ZNF629: variants seen among roughly 807,000 people sequenced by gnomAD.
ZNF629 encodes the protein zinc finger protein 629.
A neutral mutation model predicts 59.7 loss-of-function variants in ZNF629; 9 were observed. The observed-to-expected ratio is 0.15, with a 90% confidence interval of 0.09 to 0.26. ZNF629 has a LOEUF of 0.26. ZNF629 is among the 10% of genes least tolerant of loss of function. ZNF629 has a pLI of 1.00. For missense variants in ZNF629, 853 were observed against 1,165.4 expected (o/e 0.73, Z 3.90); for synonymous variants, 509 against 498.9 (o/e 1.02, Z -0.27).
At position 30,781,543 on chromosome 16, in the gene ZNF629, T is replaced by G; in HGVS notation, c.*175A>C. 1 of 539,244 alleles carries G rather than the reference T, an allele frequency of 1.9e-6. No homozygotes were observed. The allele number at this position is 539,244 out of a possible 1,614,324, so 33.4% of individuals were successfully genotyped here. On this transcript the variant is annotated 3_prime_UTR_variant, in exon 3 of 3. Transcript: ENST00000262525. Reference sequence around the variant, plus strand: ...CCTTATAAGTGCTTCCCACCAACAATTTTATAGGGTTTCTCATCACTGATG... The same window carrying G: ...CCTTATAAGTGCTTCCCACCAACAAGTTTATAGGGTTTCTCATCACTGATG...
rs1461185264 is a variant in ZNF629 at position 30,783,985 on chromosome 16, G to T, written c.343C>A (p.Gln115Lys). The T allele has an allele frequency of 1.3e-6, 2 of 1,575,836 alleles. No homozygotes were observed. Among genetic ancestry groups the T allele is most frequent in the Admixed American group, 1.8e-5 (1 of 55,086 alleles). ...DWTKACEASW[Q>K]WGALTTWNSP... ...TTCCATGTGGTGAGAGCGCCCCACT[G>T]CCAGCTGGCCTCGCAGGCCTTGGTC... The change falls in exon 3 of 3, where the codon CAG becomes AAG. Residue 115 changes from glutamine (Q) to lysine (K), a missense_variant. Coordinates refer to ENST00000262525, the MANE Select transcript of ZNF629 (RefSeq NM_001080417.3).
rs1183161817 is a variant in ZNF629, at chr16:30,783,817, T to C, written c.511A>G (p.Ile171Val). 1 of 1,613,094 alleles carries C rather than the reference T, an allele frequency of 6.2e-7. No individual in the cohort carries two copies. Among genetic ancestry groups the C allele is most frequent in the Non-Finnish European group, 8.5e-7 (1 of 1,179,660 alleles). The change falls in exon 3 of 3, where the codon ATC becomes GTC. Residue 171 changes from isoleucine to valine, a missense_variant. Physicochemically the swap from Ile to Val is conservative, Grantham distance 29. Coordinates refer to ENST00000262525, the MANE Select transcript of ZNF629 (RefSeq NM_001080417.3). ...GTGTTGGGCCGCTCTCCCGTGTGGA[T>C]GCGCTGGTGCCGCAGCAGCTTGGAC... ...QWSKLLRHQR[I>V]HTGERPNTCS...
rs1271575177 is a variant in ZNF629, at chr16:30,781,797, C to G, written c.2531G>C (p.Cys844Ser). Residue 844 changes from cysteine to serine, a missense_variant, in exon 3 of 3, where the codon TGC becomes TCC. Physicochemically the swap from Cys to Ser is moderately radical, Grantham distance 112 (BLOSUM62 -1). This residue lies in a region of ZNF629 where 420 missense variants were observed against 435.6 expected (regional missense o/e 0.96). Transcript: ENST00000262525. ...KTLVEEKPYL[C>S]PECGAGFTEV... ...TGTGAAGCCGGCTCCACACTCGGGG[C>G]ACAGATAGGGCTTTTCTTCCACTAG... 1 of 1,611,694 alleles carries G rather than the reference C, an allele frequency of 6.2e-7. No individual in the cohort carries two copies. The highest frequency in any genetic ancestry group is 8.5e-7 in the Non-Finnish European group (1 of 1,178,772).
Position 30,781,945 on chromosome 16 carries a change from G to T in ZNF629, c.2383C>A (p.Pro795Thr), listed in dbSNP as rs756766073. 9.7e-6 allele frequency: 15 copies of T among 1,539,572 alleles called. No individual in the cohort carries two copies. Among genetic ancestry groups the T allele is most frequent in the South Asian group, 3.8e-5 (3 of 78,518 alleles). ...RHQETHTQEK[P>T]PNPEDPPPEA... ...GGAGGGGGGTCCTCGGGATTGGGGG[G>T]TTTTTCCTGGGTGTGGGTTTCTTGG... The change falls in exon 3 of 3, where the codon CCC (proline) becomes ACC (threonine). Residue 795 changes from proline to threonine, a missense_variant. Physicochemically the swap from Pro to Thr is conservative, Grantham distance 38 (BLOSUM62 -1). Transcript: ENST00000262525.
In ZNF629 at chr16:30,782,719, C is replaced by G. The variant is rs778159575; in HGVS notation, c.1609G>C (p.Glu537Gln). Residue 537 changes from glutamate (E) to glutamine (Q), a missense_variant, in exon 3 of 3, where the codon GAG becomes CAG. Glu to Gln is a conservative substitution (Grantham distance 29). This residue lies in a region of ZNF629 where 420 missense variants were observed against 435.6 expected (regional missense o/e 0.96). Coordinates refer to ENST00000262525, the MANE Select transcript of ZNF629 (RefSeq NM_001080417.3). Reference protein sequence around the residue: ...HELEQHRVIHERGKTPARRAQ... With the variant: ...HELEQHRVIHQRGKTPARRAQ... ...CTACGCGCTGGGGTCTTCCCCCTCTCATGGATCACCCGGTGCTGCTCCAGC... is the reference window on the plus strand; with the variant it reads ...CTACGCGCTGGGGTCTTCCCCCTCTGATGGATCACCCGGTGCTGCTCCAGC... The G allele has an allele frequency of 1.2e-6, 2 of 1,612,874 alleles. No homozygotes were observed. Among genetic ancestry groups the G allele is most frequent in the Non-Finnish European group, 1.7e-6 (2 of 1,179,732 alleles).
At position 30,781,963 on chromosome 16, in the gene ZNF629, T is replaced by C. The variant is rs1272882287; in HGVS notation, c.2365A>G (p.Thr789Ala). The C allele has an allele frequency of 1.3e-6, 2 of 1,550,636 alleles. No homozygotes were observed. Among genetic ancestry groups the C allele is most frequent in the Non-Finnish European group, 1.7e-6 (2 of 1,149,202 alleles). Reference protein sequence around the residue: ...DRVALTRHQETHTQEKPPNPE... With the variant: ...DRVALTRHQEAHTQEKPPNPE... ...TTGGGGGGTTTTTCCTGGGTGTGGG[T>C]TTCTTGGTGCCGGGTGAGGGCCACG... is the stretch of plus-strand genomic sequence containing the variant. The change falls in exon 3 of 3, where the codon ACC (threonine) becomes GCC (alanine). Residue 789 changes from threonine (T) to alanine (A), a missense_variant. Coordinates refer to ENST00000262525, the MANE Select transcript of ZNF629 (RefSeq NM_001080417.3).
intron 1 of ZNF629, among the ~76,000 whole-genome samples, chr16:30,785,957 G>C (rs1001054900): frequency 2.6e-5 from 4 of 152,112 alleles, no homozygotes; most frequent in African/African-American, 4.8e-5. Flanking sequence ...GGGGCCACAG[G>C]AACAAAGCGC....
rs1244746725 is a variant in ZNF629, at chr16:30,779,133, T to C, written c.*2585A>G. On this transcript the variant is annotated 3_prime_UTR_variant, in exon 3 of 3. Transcript: ENST00000262525. The stretch of plus-strand genomic sequence containing the variant: ...CCCTACGAACTGTGCGCTCACATCA[T>C]CCATCCCGTACAAGAGCCAAGCCCC... The C allele has an allele frequency of 6.6e-6, 1 of 152,278 alleles. No individual in the cohort carries two copies. The highest frequency in any genetic ancestry group is 1.5e-5 in the Non-Finnish European group (1 of 68,160). 9.4% of individuals were successfully genotyped at this position (152,278 alleles called of 1,614,324 possible). A position where few individuals can be genotyped will look rare whatever the true frequency, so the allele number is the denominator to read the frequency against.
chr16:30,783,091 C>T lies in ZNF629; in HGVS notation c.1237G>A (p.Val413Ile). The T allele has an allele frequency of 6.2e-7, 1 of 1,601,810 alleles. No individual in the cohort carries two copies. The highest frequency in any genetic ancestry group is 8.5e-7 in the Non-Finnish European group (1 of 1,176,380). ...KCPECGKSFSVSSNLINHQRI... is the reference protein window; with the variant it reads ...KCPECGKSFSISSNLINHQRI... The stretch of plus-strand genomic sequence containing the variant: ...TGGTGGTTGATGAGGTTGGAGCTGA[C>T]GCTGAAGCTCTTGCCGCACTCTGGG... Residue 413 changes from valine to isoleucine, a missense_variant, in exon 3 of 3, where the codon GTC becomes ATC. By Grantham distance (29) the Val-to-Ile change is conservative. This residue lies in a region of ZNF629 where 201 missense variants were observed against 536.5 expected (regional missense o/e 0.37). Coordinates refer to ENST00000262525, the MANE Select transcript of ZNF629 (RefSeq NM_001080417.3).
chr16:30,782,830 T>C lies in ZNF629; in HGVS notation c.1498A>G (p.Asn500Asp). The C allele has an allele frequency of 6.2e-7, 1 of 1,614,106 alleles. No homozygotes were observed. Residue 500 changes from asparagine (N) to aspartate (D), a missense_variant, in exon 3 of 3, where the codon AAC (asparagine) becomes GAC (aspartate). Asn to Asp is a conservative substitution (Grantham distance 23). This residue lies in a region of ZNF629 where 201 missense variants were observed against 536.5 expected (regional missense o/e 0.37). Transcript: ENST00000262525. ...TGCGTGCGGACGTGGGTAATAAGGT[T>C]GGAGCTCTGGCTGAAGCTCTTGCCG... ...ECGKSFSQSS[N>D]LITHVRTHMD...
Position 30,783,302 on chromosome 16 carries a change from G to A in ZNF629, c.1026C>T (p.Gly342=). 1.2e-6 allele frequency: 2 copies of A among 1,613,460 alleles called. No individual in the cohort carries two copies. Among genetic ancestry groups the A allele is most frequent in the Middle Eastern group, 1.7e-4 (1 of 6,058 alleles). ...ACTCTAGGCACTCGTAGGGCTTCTC[G>A]CCTGTGTGCGTGCGCTGGTGCTGGG... The part of the protein sequence containing the change: ...ELTQHQRTHT[G]EKPYECLECG... The change falls in exon 3 of 3, where the codon GGC becomes GGT. Residue 342 remains glycine, a synonymous_variant. Transcript: ENST00000262525.
rs2054254915 is a variant in ZNF629 at position 30,778,548 on chromosome 16, T to C, written c.*3170A>G. On this transcript the variant is annotated 3_prime_UTR_variant, in exon 3 of 3. Transcript: ENST00000262525. Reference sequence around the variant, plus strand: ...ACACACAACACTCAAAAATGGGGCCTCTCTTCACTCCATGGGGACAAGTCC... The same window carrying C: ...ACACACAACACTCAAAAATGGGGCCCCTCTTCACTCCATGGGGACAAGTCC... 6.6e-6 allele frequency: 1 copy of C among 152,630 alleles called. No homozygotes were observed. The highest frequency in any genetic ancestry group is 1.5e-5 in the Non-Finnish European group (1 of 68,120). The allele number at this position is 152,630 out of a possible 1,614,324, so 9.5% of individuals were successfully genotyped here.
At position 30,778,469 on chromosome 16, in the gene ZNF629, C is replaced by G. The variant is rs1418052284; in HGVS notation, c.*3249G>C. ...AGAAACACCCAGGAAATCTTATTCC[C>G]TTTATTCTCTTCAACTAAGCAACAT... On this transcript the variant is annotated 3_prime_UTR_variant, in exon 3 of 3. Coordinates refer to ENST00000262525, the MANE Select transcript of ZNF629 (RefSeq NM_001080417.3). 1 of 152,760 alleles carries G rather than the reference C, an allele frequency of 6.5e-6. No homozygotes were observed. The highest frequency in any genetic ancestry group is 1.9e-4 in the East Asian group (1 of 5,186). 9.5% of individuals were successfully genotyped at this position (152,760 alleles called of 1,614,324 possible). A position where few individuals can be genotyped will look rare whatever the true frequency, so the allele number is the denominator to read the frequency against.
At position 30,782,421 on chromosome 16, in the gene ZNF629, G is replaced by GCCTCCGCTCTGC. The variant is rs1245416897; in HGVS notation, c.1895_1906dup (p.Gly632_Glu635dup). 5.7e-6 allele frequency: 9 copies of GCCTCCGCTCTGC among 1,566,408 alleles called. No individual in the cohort carries two copies. The African/African-American group carries it at 1.1e-4, about 19-fold the overall frequency. ...CGGCGGCTTAAGGGGCTGTCCGGGG[G>GCCTCCGCTCTGC]CCTCCGCTCTGCCCTCCGCAGCCCC... On this transcript the variant is annotated inframe_insertion, in exon 3 of 3. Coordinates refer to ENST00000262525, the MANE Select transcript of ZNF629 (RefSeq NM_001080417.3).
rs537639649 is a variant in ZNF629 at position 30,781,325 on chromosome 16, G to A, written c.*393C>T. 6.4e-6 allele frequency: 1 copy of A among 156,480 alleles called. No homozygotes were observed. Among genetic ancestry groups the A allele is most frequent in the African/African-American group, 2.4e-5 (1 of 41,520 alleles). 9.7% of individuals were successfully genotyped at this position (156,480 alleles called of 1,614,324 possible). On this transcript the variant is annotated 3_prime_UTR_variant, in exon 3 of 3. Coordinates refer to ENST00000262525, the MANE Select transcript of ZNF629 (RefSeq NM_001080417.3). ...GTCAGTGCCATTGCGGTACTTCCCC[G>A]ACCCTATAGGATTTTCCTAAGGATT...
chr16:30,784,809 C>T (rs1202483433), intron 1 of ZNF629, among the ~76,000 whole-genome samples: 1 of 152,194 alleles, frequency 6.6e-6, no homozygotes, highest in Non-Finnish European at 1.5e-5. Context: ...GGAGCGGTCT[C>T]TGACATCCAC....
Position 30,781,976 on chromosome 16 carries a change from G to T in ZNF629, c.2352C>A (p.Thr784=). 1 of 1,558,192 alleles carries T rather than the reference G, an allele frequency of 6.4e-7. No homozygotes were observed. Among genetic ancestry groups the T allele is most frequent in the Non-Finnish European group, 8.7e-7 (1 of 1,152,890 alleles). Residue 784 remains threonine (T), a synonymous_variant, in exon 3 of 3, where the codon ACC becomes ACA. Coordinates refer to ENST00000262525, the MANE Select transcript of ZNF629 (RefSeq NM_001080417.3). ...RASFLDRVAL[T]RHQETHTQEK... The stretch of plus-strand genomic sequence containing the variant: ...CCTGGGTGTGGGTTTCTTGGTGCCG[G>T]GTGAGGGCCACGCGGTCGAGGAAGG...
Position 30,782,069 on chromosome 16 carries a change from G to C in ZNF629, c.2259C>G (p.Ser753=), listed in dbSNP as rs201778896. Residue 753 remains serine (S), a synonymous_variant, in exon 3 of 3, where the codon TCC becomes TCG. Coordinates refer to ENST00000262525, the MANE Select transcript of ZNF629 (RefSeq NM_001080417.3). ...QKSPELGKSS[S]VLLEHLRSPL... ...GGCTCCTGAGATGCTCCAGGAGGAC[G>C]GAAGAGCTCTTCCCCAGCTCTGGAC... is the stretch of plus-strand genomic sequence containing the variant. 1 of 1,576,164 alleles carries C rather than the reference G, an allele frequency of 6.3e-7. No homozygotes were observed. The highest frequency in any genetic ancestry group is 1.4e-5 in the African/African-American group (1 of 73,398).
rs764103036 is a variant in ZNF629 at position 30,782,793 on chromosome 16, T to A, written c.1535A>T (p.Asn512Ile). 1 of 1,614,008 alleles carries A rather than the reference T, an allele frequency of 6.2e-7. No individual in the cohort carries two copies. Among genetic ancestry groups the A allele is most frequent in the South Asian group, 1.1e-5 (1 of 91,086 alleles). ...CCCGCAGTCGGAGCACACGAACAGG[T>A]TCTCGTCCATGTGCGTGCGGACGTG... is the stretch of plus-strand genomic sequence containing the variant. ...ITHVRTHMDE[N>I]LFVCSDCGKA... Residue 512 changes from asparagine to isoleucine, a missense_variant, in exon 3 of 3, where the codon AAC becomes ATC. Physicochemically the swap from Asn to Ile is moderately radical, Grantham distance 149. Around this residue, in one of 3 missense-constraint regions of ZNF629, gnomAD observed 201 missense variants for 536.5 expected, o/e 0.37. Transcript: ENST00000262525.
Sources: allele counts gnomAD v4.1 joint callset (sites outside exome capture counted in the v4.1 genomes callset), GRCh38; gene constraint gnomAD v4.1.1; regional missense constraint gnomAD v4.1.1; transcripts MANE v1.5; gene names NCBI Gene and HGNC (gene_info 2026-07-23, HGNC 2026-07-21).